The following DLGAP1 variants were observed in gnomAD, a reference collection of about 807,000 sequenced individuals.
The protein encoded by DLGAP1 is disks large-associated protein 1.
In DLGAP1, 11 loss-of-function variants were observed where a neutral mutation model predicts 90.8. The observed-to-expected ratio is 0.12, with a 90% CI of 0.08 to 0.20. DLGAP1 has a LOEUF of 0.20. Ranked by LOEUF, DLGAP1 falls within the 10% of genes least tolerant of loss-of-function variation. DLGAP1 has a pLI of 1.00. For synonymous variants in DLGAP1, 558 were observed against 540.7 expected (o/e 1.03, Z -0.44); for missense variants, 1,050 against 1,333.8 (o/e 0.79, Z 3.31).
intron 3 of DLGAP1, among the ~76,000 whole-genome samples, chr18:3,947,830 T>C (rs1265992891): frequency 6.7e-6 from 1 of 148,694 alleles, no homozygotes; most frequent in Admixed American, 6.7e-5. Flanking sequence ...TTTATATTAA[T>C]AGAAGAATCC....
intron 3 of DLGAP1, among the ~76,000 whole-genome samples, chr18:3,901,978 C>G (rs1045047622): frequency 9.2e-5 from 14 of 152,184 alleles, no homozygotes; most frequent in African/African-American, 2.7e-4. Flanking sequence ...TGTCTTTCCG[C>G]TCCACCAAGC....
In DLGAP1 at chr18:3,879,125, C is replaced by T. The variant is rs766043644; in HGVS notation, c.944G>A (p.Cys315Tyr). Residue 315 changes from cysteine (C) to tyrosine (Y), a missense_variant, in exon 4 of 13, where the codon TGC becomes TAC. Coordinates refer to ENST00000315677, the MANE Select transcript of DLGAP1 (RefSeq NM_004746.4). The surrounding 1 kb of genome is among the most constrained non-coding windows in gnomAD (Gnocchi z 6.6). ...CAGAAATGGTACCTGCAGGTACTGG[C>T]AGGAGCGTTCTTGCTGACACGACTC... ...KSESCQQERS[C>Y]QYLQVPQDEW... The T allele has an allele frequency of 3.3e-6, 5 of 1,503,922 alleles. No homozygotes were observed. In the East Asian group the frequency reaches 6.9e-5, roughly 21 times the overall value. The allele number at this position is 1,503,922 out of a possible 1,614,324, so 93.2% of individuals were successfully genotyped here.
intron 3 of DLGAP1, among the ~76,000 whole-genome samples, chr18:3,948,652 C>T (rs984007467): frequency 6.6e-6 from 1 of 152,172 alleles, no homozygotes; most frequent in Non-Finnish European, 1.5e-5. Flanking sequence ...TTTGCAGCAA[C>T]CTGGATGGGA....
intron 3 of DLGAP1, among the ~76,000 whole-genome samples, chr18:3,927,038 TAATAA>T (rs1302815606): frequency 1.2e-4 from 18 of 152,222 alleles, no homozygotes; most frequent in African/African-American, 4.3e-4. Context: ...AATAATAATT[TAATAA>T]AATAAGATTA....
intron 5 of DLGAP1, among the ~76,000 whole-genome samples, chr18:3,786,304 C>T (rs1165972130): frequency 6.6e-6 from 1 of 152,068 alleles, no homozygotes; most frequent in Non-Finnish European, 1.5e-5. Context: ...TTATTTTGCA[C>T]CAAATGCTCC....
At chr18:4,367,945 T>G (rs934832681) in intron 1 of DLGAP1, among the ~76,000 whole-genome samples, 3 of 147,338 alleles carry the variant, frequency 2.0e-5, no homozygotes, top group Non-Finnish European at 4.4e-5. Context: ...ATTTGATGAA[T>G]CTTGATGAAT....
intron 1 of DLGAP1, among the ~76,000 whole-genome samples, chr18:4,247,157 T>G (rs1367167869): frequency 6.6e-5 from 10 of 152,330 alleles, no homozygotes; most frequent in South Asian, 2.1e-4. Context: ...AGTATTACTA[T>G]ATTACTAGCA....
At chr18:3,655,015 T>G (rs2059432424) in intron 7 of DLGAP1, among the ~76,000 whole-genome samples, 1 of 128,296 alleles carries the variant, frequency 7.8e-6, no homozygotes, top group Non-Finnish European at 1.6e-5. Flanking sequence ...GGTACATAAC[T>G]GACCTACTAC....
chr18:3,955,116 T>C (rs762180337), intron 3 of DLGAP1, among the ~76,000 whole-genome samples: 1 of 152,064 alleles, frequency 6.6e-6, no homozygotes, highest in Non-Finnish European at 1.5e-5. Flanking sequence ...GTGCTTGGTG[T>C]CCTTGCAGAG....
chr18:4,305,114 AGGACGCACAAAAAGG>A (rs2080217613), intron 1 of DLGAP1, among the ~76,000 whole-genome samples: 1 of 152,174 alleles, frequency 6.6e-6, no homozygotes, highest in African/African-American at 2.4e-5. Flanking sequence ...ACCTGTGGTG[AGGACGCACAAAAAGG>A]AACAGACCCT....
intron 7 of DLGAP1, chr18:3,594,030 C>T (rs1040771264): frequency 6.6e-6 from 1 of 151,878 alleles, no homozygotes; most frequent in African/African-American, 2.4e-5. Flanking sequence ...AAAAAAAGCC[C>T]CAGGCACTTG....
At chr18:3,898,835 T>C (rs1233194277) in intron 3 of DLGAP1, among the ~76,000 whole-genome samples, 2 of 152,112 alleles carry the variant, frequency 1.3e-5, no homozygotes, top group Non-Finnish European at 2.9e-5. Context: ...ATTGAAACCA[T>C]GGAAGCCATA....
chr18:3,507,502 C>G (rs1288196993), intron 11 of DLGAP1, among the ~76,000 whole-genome samples: 1 of 152,100 alleles, frequency 6.6e-6, no homozygotes, highest in Non-Finnish European at 1.5e-5. Flanking sequence ...GCCTGGACAA[C>G]AGAGCGAGAC....
Position 4,303,950 on chromosome 18 carries a change from T to C in DLGAP1, c.-267+151056A>G, listed in dbSNP as rs147141958. Among the ~76,000 whole-genome samples the C allele has an allele frequency of 7.4e-3, 1,134 of 152,258 alleles. 8 individuals are homozygous for C. Among genetic ancestry groups the C allele is most frequent in the African/African-American group, 0.026 (1,067 of 41,568 alleles). On this transcript the variant is annotated intron_variant, in intron 1 of 12. Coordinates refer to ENST00000315677, the MANE Select transcript of DLGAP1 (RefSeq NM_004746.4). ...CAAGAGAAGATGACTTAGGATAACA[T>C]TGACAAAAAAGGAAAACCCATGTGT... is the stretch of plus-strand genomic sequence containing the variant.
At chr18:4,380,981 G>A (rs544624862) in intron 1 of DLGAP1, among the ~76,000 whole-genome samples, 3 of 152,232 alleles carry the variant, frequency 2.0e-5, no homozygotes, top group Admixed American at 1.3e-4. Flanking sequence ...TTTCACATTC[G>A]AGGAGCTTTA....
At chr18:3,529,347 C>G (rs1213464391) in intron 10 of DLGAP1, among the ~76,000 whole-genome samples, 1 of 152,132 alleles carries the variant, frequency 6.6e-6, no homozygotes, top group Non-Finnish European at 1.5e-5. Flanking sequence ...CTGCCAGTAT[C>G]TTAATCTTGA....
chr18:3,597,818 T>C (rs909468353), intron 7 of DLGAP1: 4 of 154,164 alleles, frequency 2.6e-5, no homozygotes, highest in African/African-American at 9.6e-5. Flanking sequence ...TGAGGAATAA[T>C]TACCTGGATC....
At chr18:3,901,494 G>A (rs539375694) in intron 3 of DLGAP1, among the ~76,000 whole-genome samples, 12 of 152,140 alleles carry the variant, frequency 7.9e-5, no homozygotes, top group African/African-American at 2.9e-4. Flanking sequence ...ACCACATGAA[G>A]GAACCCTGGA....
intron 2 of DLGAP1, among the ~76,000 whole-genome samples, chr18:4,149,791 C>T (rs990246876): frequency 6.6e-6 from 1 of 152,182 alleles, no homozygotes; most frequent in African/African-American, 2.4e-5. Flanking sequence ...GAAACCATCT[C>T]CCCACCTCCC....
Sources: allele counts gnomAD v4.1 joint callset (sites outside exome capture counted in the v4.1 genomes callset), GRCh38; gene constraint gnomAD v4.1.1; non-coding constraint Gnocchi (gnomAD v3.1); transcripts MANE v1.5; gene names NCBI Gene and HGNC (gene_info 2026-07-23, HGNC 2026-07-21).